SPON1: variants seen among roughly 807,000 people sequenced by gnomAD.
SPON1 encodes spondin 1.
Under a neutral mutation model 111.7 loss-of-function variants are expected in SPON1, and 52 were observed. The ratio of observed to expected loss-of-function variants is 0.47; its 90% CI spans 0.37 to 0.59. SPON1 has a LOEUF of 0.59. Among genes scored for constraint, SPON1 ranks in the 20% least tolerant of loss-of-function variants. SPON1 has a pLI of 0.00. For missense variants in SPON1, 957 were observed against 1,068.5 expected, an observed-to-expected ratio of 0.90 and a Z score of 1.46; for synonymous variants, 410 against 395.8, an observed-to-expected ratio of 1.04 and a Z score of -0.43.
At chr11:14,112,225 G>A (rs970661895) in intron 5 of SPON1, among the ~76,000 whole-genome samples, 12 of 152,114 alleles carry the variant, frequency 7.9e-5, no homozygotes, top group African/African-American at 1.2e-4. Context: ...AACAAACAGC[G>A]CAAAAGCACT....
chr11:14,146,265 T>A (rs759535282), intron 6 of SPON1, among the ~76,000 whole-genome samples: 1 of 151,478 alleles, frequency 6.6e-6, no homozygotes, highest in Non-Finnish European at 1.5e-5. Flanking sequence ...TTCTCCTGCC[T>A]CAGCTTCCCG....
intron 5 of SPON1, among the ~76,000 whole-genome samples, chr11:14,124,186 T>TCA (rs147701989): frequency 5.9e-4 from 88 of 150,010 alleles, no homozygotes; most frequent in Middle Eastern, 3.4e-3. Context: ...ACACACACAC[T>TCA]CACACACACA....
At chr11:14,057,728 G>A (rs1287434648) in intron 3 of SPON1, among the ~76,000 whole-genome samples, 1 of 150,498 alleles carries the variant, frequency 6.6e-6, no homozygotes, top group Non-Finnish European at 1.5e-5. Flanking sequence ...CAGACACAGT[G>A]GCTCATCTGT....
intron 3 of SPON1, among the ~76,000 whole-genome samples, chr11:14,042,496 G>A (rs782646247): frequency 6.6e-5 from 10 of 152,030 alleles, no homozygotes; most frequent in South Asian, 4.2e-4. Flanking sequence ...TTTTAAATAG[G>A]TTTGAAGTCC....
rs1564919045 is a variant in SPON1 at position 14,160,535 on chromosome 11, T to TTATATATATATTTACATATATATATTTA, written c.825+24981_825+24982insCATATATATATTTATATATATATATTTA. 6.8e-3 allele frequency among the ~76,000 whole-genome samples: 81 copies of TTATATATATATTTACATATATATATTTA among 11,964 alleles called. 15 individuals are homozygous for TTATATATATATTTACATATATATATTTA. The highest frequency in any genetic ancestry group is 8.3e-3 in the African/African-American group (17 of 2,052). 7.8% of individuals were successfully genotyped at this position (11,964 alleles called of 152,430 possible). On this transcript the variant is annotated intron_variant, in intron 6 of 15. Coordinates refer to ENST00000576479, the MANE Select transcript of SPON1 (RefSeq NM_006108.4). ...TATATATATATTTACATATATATAT[T>TTATATATATATTTACATATATATATTTA]TATATATATATTTATATATATATTT... is the stretch of plus-strand genomic sequence containing the variant.
intron 5 of SPON1, among the ~76,000 whole-genome samples, chr11:14,106,347 C>A (rs1403489608): frequency 2.0e-5 from 3 of 152,148 alleles, no homozygotes; most frequent in African/African-American, 7.2e-5. Flanking sequence ...ATATCAAAGA[C>A]CATTAACAAC....
chr11:13,966,580 G>A (rs1010033821), intron 1 of SPON1, among the ~76,000 whole-genome samples: 1 of 152,238 alleles, frequency 6.6e-6, no homozygotes, highest in Admixed American at 6.5e-5. Flanking sequence ...TCCAGTAGAG[G>A]TTTCAAAAGC....
chr11:14,250,360 G>A (rs782388720), intron 7 of SPON1, among the ~76,000 whole-genome samples: 1 of 149,426 alleles, frequency 6.7e-6, no homozygotes, highest in Admixed American at 6.7e-5. Flanking sequence ...ATTTGACTCT[G>A]GGTCTGTTTT....
chr11:14,150,090 A>G (rs1411299433), intron 6 of SPON1, among the ~76,000 whole-genome samples: 2 of 152,206 alleles, frequency 1.3e-5, no homozygotes, highest in Non-Finnish European at 2.9e-5. Flanking sequence ...CAACAAATCA[A>G]TGAATAAAGA....
At chr11:14,061,165 C>T (rs570634358) in intron 3 of SPON1, among the ~76,000 whole-genome samples, 34 of 152,296 alleles carry the variant, frequency 2.2e-4, no homozygotes, top group African/African-American at 7.5e-4. Flanking sequence ...TTCACCTACA[C>T]ACAAAACAGC....
At chr11:13,977,063 G>A (rs1848108769) in intron 1 of SPON1, among the ~76,000 whole-genome samples, 1 of 152,158 alleles carries the variant, frequency 6.6e-6, no homozygotes, top group African/African-American at 2.4e-5. Context: ...GAGGCATTTG[G>A]TTATATGAAT....
chr11:14,041,226 G>T (rs537945788), intron 2 of SPON1, among the ~76,000 whole-genome samples: 1 of 152,148 alleles, frequency 6.6e-6, no homozygotes, highest in Middle Eastern at 3.2e-3. Flanking sequence ...GACACAGGTC[G>T]TTCTATTGAA....
At chr11:14,174,821 A>G (rs189824849) in intron 6 of SPON1, among the ~76,000 whole-genome samples, 2 of 152,132 alleles carry the variant, frequency 1.3e-5, no homozygotes, top group Non-Finnish European at 2.9e-5. Context: ...ATTTTTAATC[A>G]TAGTGCTCTC....
At chr11:14,171,684 A>G (rs1200973520) in intron 6 of SPON1, among the ~76,000 whole-genome samples, 1 of 152,018 alleles carries the variant, frequency 6.6e-6, no homozygotes, top group African/African-American at 2.4e-5. Flanking sequence ...AGATTCTGGT[A>G]TGTTGTGTCT....
chr11:14,095,537 A>AGACCCAGTG (rs1849093920), intron 5 of SPON1, among the ~76,000 whole-genome samples: 1 of 152,174 alleles, frequency 6.6e-6, no homozygotes, highest in African/African-American at 2.4e-5. Flanking sequence ...GAGACCCAGG[A>AGACCCAGTG]GACCCAGTGG....
chr11:13,986,050 A>C (rs1554910292), intron 2 of SPON1, among the ~76,000 whole-genome samples: 1 of 152,238 alleles, frequency 6.6e-6, no homozygotes, highest in Admixed American at 6.5e-5. Flanking sequence ...TCCTTGATTT[A>C]TTCAGCAGCA....
chr11:14,017,487 G>C (rs911693407), intron 2 of SPON1, among the ~76,000 whole-genome samples: 3 of 152,168 alleles, frequency 2.0e-5, no homozygotes, highest in Admixed American at 6.5e-5. Context: ...GCAAAATGCA[G>C]CTTTTATTCT....
intron 6 of SPON1, among the ~76,000 whole-genome samples, chr11:14,197,642 A>T (rs1210568196): frequency 7.5e-6 from 1 of 132,950 alleles, no homozygotes; most frequent in Non-Finnish European, 1.6e-5. Context: ...ACCTCTACTA[A>T]ATATACAAAA....
At chr11:14,263,457 A>G (rs1849214743) in intron 15 of SPON1, among the ~76,000 whole-genome samples, 1 of 152,190 alleles carries the variant, frequency 6.6e-6, no homozygotes, top group African/African-American at 2.4e-5. Flanking sequence ...CTTCCATTTT[A>G]AGGGTGTGGC....
Sources: gnomAD v4.1 joint callset for allele counts (sites outside exome capture counted in the v4.1 genomes callset) on GRCh38, gnomAD v4.1.1 for gene constraint, MANE v1.5 for transcripts, NCBI Gene and HGNC (gene_info 2026-07-23, HGNC 2026-07-21) for gene names.